Variants in SMARCAL1 observed in about 807,000 individuals in gnomAD.
The protein encoded by SMARCAL1 is SNF2 related chromatin remodeling annealing helicase 1.
SMARCAL1 carries 58 observed loss-of-function variants against 94.5 expected under a neutral mutation model. The observed-to-expected ratio is 0.61, with a 90% CI of 0.50 to 0.76. The LOEUF (loss-of-function observed/expected upper bound fraction) is 0.76. Ranked by LOEUF, SMARCAL1 falls within the 30% of genes least tolerant of loss-of-function variation. The pLI is 0.00. For missense variants in SMARCAL1, 1,051 were observed against 1,177.9 expected, an observed-to-expected ratio of 0.89 and a Z score of 1.58; for synonymous variants, 422 against 455.1, an observed-to-expected ratio of 0.93 and a Z score of 0.93.
rs767482393 is a variant in SMARCAL1 at position 216,420,302 on chromosome 2, A to C, written c.866A>C (p.Lys289Thr). The C allele has an allele frequency of 1.2e-5, 20 of 1,613,566 alleles. No homozygotes were observed. The highest frequency in any genetic ancestry group is 3.3e-5 in the Admixed American group (2 of 59,968). ...FSMNDYSALM[K>T]AAQSLPTVNL... The stretch of plus-strand genomic sequence containing the variant: ...TTCGATTCTTCTTCTTTGGCAGTGA[A>C]AGCAGCCCAGAGCCTCCCCACGGTC... Residue 289 changes from lysine to threonine, a missense_variant, in exon 5 of 18, where the codon AAA becomes ACA. Lys to Thr is a moderately conservative substitution (Grantham distance 78). Transcript: ENST00000357276.
At chr2:216,422,966 G>A (rs1362312544) in intron 5 of SMARCAL1, among the ~76,000 whole-genome samples, 1 of 152,166 alleles carries the variant, frequency 6.6e-6, no homozygotes. Context: ...ATAATAACTG[G>A]CTTTGGGGTG....
At chr2:216,474,813 A>G (rs1695036898) in intron 14 of SMARCAL1, among the ~76,000 whole-genome samples, 3 of 152,218 alleles carry the variant, frequency 2.0e-5, no homozygotes, top group Admixed American at 1.3e-4. Flanking sequence ...AGTGGCTATC[A>G]GGAGCTAAGG....
chr2:216,482,470 G>A lies in SMARCAL1; in HGVS notation c.2626-268G>A, dbSNP rs116315714. ...AAACATTTCCAATGTAAATTATAGC[G>A]TGAGAGCAGCTTCTTTGTTGCACTC... On this transcript the variant is annotated intron_variant, in intron 17 of 17. Coordinates refer to ENST00000357276, the MANE Select transcript of SMARCAL1 (RefSeq NM_014140.4). This position sits in a 1 kb window ranked among gnomAD's most constrained non-coding sequence, Gnocchi z 4.3. Among the ~76,000 whole-genome samples, 3,947 of 152,212 alleles carry A rather than the reference G, an allele frequency of 0.026. 73 individuals are homozygous for A. Among genetic ancestry groups the A allele is most frequent in the South Asian group, 0.057 (276 of 4,820 alleles).
At chr2:216,438,085 A>G (rs1459351982) in intron 9 of SMARCAL1, among the ~76,000 whole-genome samples, 1 of 152,224 alleles carries the variant, frequency 6.6e-6, no homozygotes, top group African/African-American at 2.4e-5. Context: ...CTAGTGCTCC[A>G]CAGGTGGGAG....
At chr2:216,469,390 T>C (rs189902441) in intron 14 of SMARCAL1, among the ~76,000 whole-genome samples, 2,018 of 149,600 alleles carry the variant, frequency 0.013, 24 homozygotes, top group Admixed American at 0.028. Context: ...CAAGCTATTC[T>C]CCTGTCTCAG....
chr2:216,469,818 G>T (rs541775837), intron 14 of SMARCAL1, among the ~76,000 whole-genome samples: 48 of 152,220 alleles, frequency 3.2e-4, no homozygotes, highest in African/African-American at 1.1e-3. Flanking sequence ...CTCCAAGGTG[G>T]TCATTCACAT....
intron 4 of SMARCAL1, among the ~76,000 whole-genome samples, chr2:216,419,810 G>A (rs1693674766): frequency 6.6e-6 from 1 of 151,910 alleles, no homozygotes; most frequent in African/African-American, 2.4e-5. Flanking sequence ...TGCGTAGATG[G>A]TTTGAGCTTA....
intron 12 of SMARCAL1, among the ~76,000 whole-genome samples, chr2:216,461,788 T>A (rs1353781561): frequency 6.6e-6 from 1 of 151,950 alleles, no homozygotes; most frequent in African/African-American, 2.4e-5. Flanking sequence ...GAGCTGTGAT[T>A]GTGCCACTGC....
intron 11 of SMARCAL1, among the ~76,000 whole-genome samples, chr2:216,447,416 T>A (rs1408940959): frequency 1.3e-5 from 2 of 152,130 alleles, no homozygotes; most frequent in Non-Finnish European, 2.9e-5. Context: ...GACTAGTGGC[T>A]GATGTGTAGG....
chr2:216,414,883 A>T lies in SMARCAL1; in HGVS notation c.179A>T (p.Glu60Val), dbSNP rs766086132. Residue 60 changes from glutamate to valine, a missense_variant, in exon 3 of 18, where the codon GAG becomes GTG. Physicochemically the swap from Glu to Val is moderately radical, Grantham distance 121. This residue lies in a region of SMARCAL1 where 398 missense variants were observed against 395.2 expected (regional missense o/e 1.01). Coordinates refer to ENST00000357276, the MANE Select transcript of SMARCAL1 (RefSeq NM_014140.4). ...KQGPSQNFPR[E>V]SCKPVSHGVI... ...GGCCCATCCCAAAATTTCCCAAGGG[A>T]GTCTTGTAAGCCAGTGAGCCATGGT... The T allele has an allele frequency of 4.3e-6, 7 of 1,614,084 alleles. No homozygotes were observed. Among genetic ancestry groups the T allele is most frequent in the Non-Finnish European group, 5.9e-6 (7 of 1,180,048 alleles).
chr2:216,421,174 G>A (rs187556070), intron 5 of SMARCAL1, among the ~76,000 whole-genome samples: 6 of 152,266 alleles, frequency 3.9e-5, no homozygotes, highest in Admixed American at 1.3e-4. Flanking sequence ...TTATTTTGTC[G>A]GAGGTGGGGC....
At chr2:216,467,896 C>A in intron 13 of SMARCAL1, 48 bp from the exon 14 acceptor site, 3 of 1,129,412 alleles carry the variant, frequency 2.7e-6, no homozygotes. Context: ...ACACATAAAA[C>A]ATAAGGAGTA....
chr2:216,463,085 C>G (rs371223126), intron 12 of SMARCAL1, among the ~76,000 whole-genome samples: 2 of 152,248 alleles, frequency 1.3e-5, no homozygotes, highest in South Asian at 2.1e-4. Flanking sequence ...GGTTGCTTTC[C>G]TGAGTTATCA....
intron 10 of SMARCAL1, among the ~76,000 whole-genome samples, chr2:216,444,332 T>C (rs1694259412): frequency 6.6e-6 from 1 of 152,120 alleles, no homozygotes; most frequent in Non-Finnish European, 1.5e-5. Context: ...TCTAGGGTTT[T>C]GGCAAAATAT....
intron 12 of SMARCAL1, among the ~76,000 whole-genome samples, chr2:216,461,086 G>A (rs1334857413): frequency 1.3e-5 from 2 of 151,062 alleles, no homozygotes; most frequent in African/African-American, 2.4e-5. Context: ...GTGTGTGTGT[G>A]TGTGTATGTG....
chr2:216,456,498 C>T lies in SMARCAL1; in HGVS notation c.2070+5434C>T, dbSNP rs545806285. On this transcript the variant is annotated intron_variant, in intron 12 of 17. Coordinates refer to ENST00000357276, the MANE Select transcript of SMARCAL1 (RefSeq NM_014140.4). ...CCCATCAGACTAACAGTTGATCTCT[C>T]GGCAGAAACTCTACAAGCCAGAAGA... 3.1e-4 allele frequency among the ~76,000 whole-genome samples: 47 copies of T among 152,276 alleles called. No individual in the cohort carries two copies. In the South Asian group the frequency reaches 3.1e-3, roughly 10 times the overall value.
intron 14 of SMARCAL1, among the ~76,000 whole-genome samples, chr2:216,471,166 A>G (rs1378016094): frequency 1.3e-5 from 2 of 152,192 alleles, no homozygotes; most frequent in African/African-American, 4.8e-5. Context: ...ACTGTTTACT[A>G]TATTAAATTG....
chr2:216,481,446 T>G (rs1428202964), intron 17 of SMARCAL1, among the ~76,000 whole-genome samples: 2 of 152,074 alleles, frequency 1.3e-5, no homozygotes, highest in Admixed American at 1.3e-4. Context: ...TCCCCCCGCC[T>G]CGGCCTCCCA....
At chr2:216,434,391 T>C (rs758472481) in intron 8 of SMARCAL1, among the ~76,000 whole-genome samples, 10 of 152,154 alleles carry the variant, frequency 6.6e-5, no homozygotes, top group Non-Finnish European at 1.3e-4. Context: ...CATCAATAAA[T>C]GTTTATGATT....
Sources: allele counts gnomAD v4.1 joint callset (sites outside exome capture counted in the v4.1 genomes callset), GRCh38; gene constraint gnomAD v4.1.1; regional missense constraint gnomAD v4.1.1; non-coding constraint Gnocchi (gnomAD v3.1); transcripts MANE v1.5; gene names NCBI Gene and HGNC (gene_info 2026-07-23, HGNC 2026-07-21).